The following PHF21A variants were observed in gnomAD, a reference collection of about 807,000 sequenced individuals.
PHF21A encodes the protein PHD finger protein 21A, also known as BHC80a.
A neutral mutation model predicts 82.5 loss-of-function variants in PHF21A; 11 were observed. The ratio of observed to expected loss-of-function variants is 0.13; its 90% CI spans 0.08 to 0.22. PHF21A has a LOEUF of 0.22. Ranked by LOEUF, PHF21A falls within the 10% of genes least tolerant of loss-of-function variation. PHF21A has a pLI of 1.00. For synonymous variants in PHF21A, 297 were observed against 302.8 expected (o/e 0.98, Z 0.20); for missense variants, 579 against 837.8 (o/e 0.69, Z 3.81).
intron 6 of PHF21A, among the ~76,000 whole-genome samples, chr11:45,999,580 T>C (rs955014206): frequency 2.6e-5 from 4 of 152,174 alleles, no homozygotes; most frequent in African/African-American, 9.6e-5. Flanking sequence ...AATTTAAAAA[T>C]ATATCTATAG....
At chr11:46,102,817 C>A (rs2097111733) in intron 1 of PHF21A, among the ~76,000 whole-genome samples, 1 of 152,232 alleles carries the variant, frequency 6.6e-6, no homozygotes, top group Admixed American at 6.5e-5. Flanking sequence ...GGTATCCCCA[C>A]AAACTGTTAA....
At chr11:45,945,573 T>G (rs540454327) in intron 15 of PHF21A, among the ~76,000 whole-genome samples, 1 of 152,300 alleles carries the variant, frequency 6.6e-6, no homozygotes, top group South Asian at 2.1e-4. Context: ...ATCTGTTTTC[T>G]GAGAACTCAT....
intron 6 of PHF21A, among the ~76,000 whole-genome samples, chr11:46,048,841 T>C (rs1019062488): frequency 1.4e-4 from 21 of 152,158 alleles, no homozygotes; most frequent in African/African-American, 4.8e-4. Flanking sequence ...TGGAAATACA[T>C]ATACCTAGGA....
At position 46,056,150 on chromosome 11, in the gene PHF21A, C is replaced by T. The variant is rs114487573; in HGVS notation, c.153+20604G>A. ...TACCCTTTATGTAATTTAATGCCTCCGGTTTTGAATTTCATCTTATAAGGA... is the reference window on the plus strand; with the variant it reads ...TACCCTTTATGTAATTTAATGCCTCTGGTTTTGAATTTCATCTTATAAGGA... On this transcript the variant is annotated intron_variant, in intron 6 of 18. Coordinates refer to ENST00000676320, the MANE Select transcript of PHF21A (RefSeq NM_001352027.3). Among the ~76,000 whole-genome samples the T allele has an allele frequency of 5.0e-3, 763 of 152,048 alleles. 6 individuals are homozygous for T. Among genetic ancestry groups the T allele is most frequent in the African/African-American group, 0.018 (726 of 41,472 alleles).
chr11:46,000,498 A>G (rs1317781139), intron 6 of PHF21A, among the ~76,000 whole-genome samples: 1 of 141,448 alleles, frequency 7.1e-6, no homozygotes, highest in Non-Finnish European at 1.5e-5. Flanking sequence ...ATAATTTTAA[A>G]CAGCTTTAAA....
At chr11:45,994,631 TG>T (rs2094839102) in intron 6 of PHF21A, among the ~76,000 whole-genome samples, 1 of 151,978 alleles carries the variant, frequency 6.6e-6, no homozygotes, top group Non-Finnish European at 1.5e-5. Flanking sequence ...TCACCAAGAG[TG>T]GTTATGTTTT....
chr11:45,959,541 G>A (rs541021949), intron 10 of PHF21A, among the ~76,000 whole-genome samples: 3 of 152,274 alleles, frequency 2.0e-5, no homozygotes, highest in South Asian at 4.1e-4. Flanking sequence ...GGAAGTTTAG[G>A]CCAGAGCAAT....
At chr11:46,021,857 TATC>T (rs1444915514) in intron 6 of PHF21A, among the ~76,000 whole-genome samples, 1 of 152,176 alleles carries the variant, frequency 6.6e-6, no homozygotes, top group Non-Finnish European at 1.5e-5. Context: ...CCTGGCCACT[TATC>T]TTCTTTGAAT....
At chr11:45,945,752 G>T (rs1433620008) in intron 15 of PHF21A, 88 bp downstream of exon 15, 2 of 1,108,504 alleles carry the variant, frequency 1.8e-6, no homozygotes, top group Non-Finnish European at 2.6e-6. Flanking sequence ...AGTCAAGAAG[G>T]TGCAAGTCGA....
chr11:46,041,485 C>G (rs903895265), intron 6 of PHF21A, among the ~76,000 whole-genome samples: 2 of 152,070 alleles, frequency 1.3e-5, no homozygotes, highest in Non-Finnish European at 2.9e-5. Flanking sequence ...AAGGGGTAAT[C>G]TGAAAGTCAG....
At chr11:46,094,923 T>C (rs2096974240) in intron 1 of PHF21A, among the ~76,000 whole-genome samples, 1 of 152,086 alleles carries the variant, frequency 6.6e-6, no homozygotes, top group African/African-American at 2.4e-5. Context: ...CATGAAATCC[T>C]TTAAACCTAA....
chr11:46,103,503 A>C (rs1297603501), intron 1 of PHF21A, among the ~76,000 whole-genome samples: 1 of 152,172 alleles, frequency 6.6e-6, no homozygotes, highest in African/African-American at 2.4e-5. Flanking sequence ...ACTCGTTGGA[A>C]TTTCTCCTCA....
chr11:46,062,143 C>T (rs898321434), intron 6 of PHF21A, among the ~76,000 whole-genome samples: 6 of 150,754 alleles, frequency 4.0e-5, no homozygotes, highest in Non-Finnish European at 8.9e-5. Context: ...TCTTGTTTTG[C>T]TAAAGTTTCA....
At chr11:46,016,929 G>A (rs925557203) in intron 6 of PHF21A, among the ~76,000 whole-genome samples, 3 of 151,462 alleles carry the variant, frequency 2.0e-5, no homozygotes, top group East Asian at 1.9e-4. Flanking sequence ...CTGATGTGAT[G>A]AAGTCACAAG....
intron 15 of PHF21A, among the ~76,000 whole-genome samples, chr11:45,942,080 G>T (rs1209652627): frequency 6.6e-6 from 1 of 152,144 alleles, no homozygotes; most frequent in African/African-American, 2.4e-5. Context: ...CCTGTGTGTT[G>T]ATTTTAATCA....
At chr11:46,068,622 T>C (rs1454829097) in intron 6 of PHF21A, among the ~76,000 whole-genome samples, 1 of 152,078 alleles carries the variant, frequency 6.6e-6, no homozygotes, top group Non-Finnish European at 1.5e-5. Flanking sequence ...TTGATATTCA[T>C]AGCTTGAAGC....
chr11:45,935,262 C>T (rs1311025508), intron 18 of PHF21A: 5 of 1,302,700 alleles, frequency 3.8e-6, no homozygotes, highest in Admixed American at 2.3e-5. Context: ...AAGAATCACA[C>T]GAGGGGACCT....
chr11:46,108,586 TAA>T (rs869096380), intron 1 of PHF21A, among the ~76,000 whole-genome samples: 3,456 of 93,932 alleles, frequency 0.037, 80 homozygotes, highest in African/African-American at 0.075. Flanking sequence ...TATATATATA[TAA>T]AATACATATG....
chr11:46,093,559 T>A (rs994392038), intron 1 of PHF21A, among the ~76,000 whole-genome samples: 7 of 152,214 alleles, frequency 4.6e-5, no homozygotes, highest in African/African-American at 1.7e-4. Context: ...AAGGTTAGGA[T>A]GACTCTCAAC....
Sources: gnomAD v4.1 joint callset for allele counts (sites outside exome capture counted in the v4.1 genomes callset) on GRCh38, gnomAD v4.1.1 for gene constraint, MANE v1.5 for transcripts, NCBI Gene and HGNC (gene_info 2026-07-23, HGNC 2026-07-21) for gene names.